ABI3BP: variants seen among roughly 807,000 people sequenced by gnomAD.
ABI3BP encodes the protein target of Nesh-SH3.
ABI3BP carries 216 observed loss-of-function variants against 268.6 expected under a neutral mutation model. That is an observed-to-expected ratio of 0.80 (90% CI 0.72 to 0.90). The LOEUF is 0.90. Ranked by LOEUF, ABI3BP falls within the 40% of genes least tolerant of loss-of-function variation. ABI3BP has a pLI of 0.00. For missense variants in ABI3BP, 2,090 were observed against 2,182.4 expected, an observed-to-expected ratio of 0.96 and a Z score of 0.84; for synonymous variants, 730 against 730.0, an observed-to-expected ratio of 1.00 and a Z score of 0.00.
In ABI3BP at chr3:100,811,751, C is replaced by T. The variant is rs1215291882; in HGVS notation, c.3470G>A (p.Trp1157Ter). 1 of 1,535,352 alleles carries T rather than the reference C, an allele frequency of 6.5e-7. No individual in the cohort carries two copies. The highest frequency in any genetic ancestry group is 8.7e-7 in the Non-Finnish European group (1 of 1,146,480). ...ACCTTCAGTCTTTGGCTCCTCTGGC[C>T]AGAGTGGTGCTTTGGCAGTGGGATA... Reference protein sequence around the residue: ...YVYPTAKAPLWPEEPKTEVVE... With the variant: ...YVYPTAKAPL Residue 1157 changes from tryptophan to a stop codon, truncating the protein, a stop_gained, in exon 47 of 68, where the codon TGG (tryptophan) becomes TAG (stop). Transcript: ENST00000471714. LOFTEE classifies it high-confidence loss of function.
intron 51 of ABI3BP, among the ~76,000 whole-genome samples, chr3:100,801,425 CAAA>C (rs68171311): frequency 1.1e-5 from 1 of 87,528 alleles, no homozygotes; most frequent in Non-Finnish European, 2.5e-5. Context: ...GATATCCTGT[CAAA>C]AAAAAAAAAA....
rs1234705838 is a variant in ABI3BP, at chr3:100,936,584, C to T, written c.80-10103G>A. 2.6e-5 allele frequency among the ~76,000 whole-genome samples: 4 copies of T among 151,848 alleles called. 1 individual carries two copies. Among genetic ancestry groups the T allele is most frequent in the Admixed American group, 1.3e-4 (2 of 15,224 alleles). On this transcript the variant is annotated intron_variant, in intron 1 of 67. Coordinates refer to ENST00000471714, the MANE Select transcript of ABI3BP (RefSeq NM_001375547.2). ...TCCTCTTTGTACCTCTGGTAGAATT[C>T]GGCTGTGAATCTGTCTGGTCCTGGA... is the stretch of plus-strand genomic sequence containing the variant.
At chr3:100,803,838 C>T (rs192059575) in intron 51 of ABI3BP, among the ~76,000 whole-genome samples, 105 of 152,262 alleles carry the variant, frequency 6.9e-4, no homozygotes, top group African/African-American at 2.5e-3. Flanking sequence ...TCTCTCTAGC[C>T]TGCTACCACC....
chr3:100,941,140 T>C (rs181554765), intron 1 of ABI3BP, among the ~76,000 whole-genome samples: 7 of 151,822 alleles, frequency 4.6e-5, no homozygotes, highest in African/African-American at 1.7e-4. Context: ...ATCAAAACTT[T>C]ACTTATACAT....
intron 22 of ABI3BP, 139 bp downstream of exon 22, chr3:100,840,678 CTTT>C (rs1187108506): frequency 1.5e-6 from 1 of 670,788 alleles, no homozygotes; most frequent in Admixed American, 3.5e-5. Context: ...TAGGAATTAA[CTTT>C]TTTTTCTGAA....
At chr3:100,984,947 T>C (rs1449310) in intron 1 of ABI3BP, among the ~76,000 whole-genome samples, 25,223 of 151,992 alleles carry the variant, frequency 0.17, 2,222 homozygotes, top group Middle Eastern at 0.23. Flanking sequence ...TAAATTTTCT[T>C]TCCTGAGAGC....
At chr3:100,774,738 A>T in intron 60 of ABI3BP, 65 bp from the exon 61 acceptor site, 3 of 1,217,436 alleles carry the variant, frequency 2.5e-6, no homozygotes, top group Non-Finnish European at 3.4e-6. Context: ...ACAATGAAAA[A>T]GTTGTAGACT....
intron 63 of ABI3BP, among the ~76,000 whole-genome samples, chr3:100,758,719 G>GT (rs1180522928): frequency 6.6e-6 from 1 of 152,186 alleles, no homozygotes; most frequent in Non-Finnish European, 1.5e-5. Flanking sequence ...AGAGGGTATT[G>GT]TTTGACACCA....
At chr3:100,823,660 G>A (rs1461445170) in intron 36 of ABI3BP, 146 bp from the exon 37 acceptor site, 2 of 645,136 alleles carry the variant, frequency 3.1e-6, no homozygotes, top group East Asian at 2.9e-5. Context: ...AAGAATGTGT[G>A]TTTGTTCATT....
chr3:100,821,597 C>CTTTTT (rs369631203), intron 38 of ABI3BP, among the ~76,000 whole-genome samples: 8 of 119,148 alleles, frequency 6.7e-5, no homozygotes, highest in Admixed American at 8.9e-5. Context: ...TGAAGTAAGA[C>CTTTTT]TTTTTTTTTT....
chr3:100,820,142 C>A, intron 40 of ABI3BP, 78 bp downstream of exon 40: 1 of 1,244,150 alleles, frequency 8.0e-7, no homozygotes, highest in South Asian at 1.3e-5. Context: ...CACAGGCCAT[C>A]ACTCCCATCA....
chr3:100,950,937 C>T (rs2074698613), intron 1 of ABI3BP, among the ~76,000 whole-genome samples: 3 of 151,830 alleles, frequency 2.0e-5, no homozygotes, highest in Admixed American at 1.3e-4. Flanking sequence ...TCCCAGCACA[C>T]TAAAGTCAAC....
At chr3:100,830,153 A>T (rs1412231983) in intron 32 of ABI3BP, among the ~76,000 whole-genome samples, 2 of 82,550 alleles carry the variant, frequency 2.4e-5, no homozygotes, top group African/African-American at 7.5e-5. Context: ...ATATATATAT[A>T]TATATATATA....
chr3:100,964,357 G>A (rs1224009602), intron 1 of ABI3BP, among the ~76,000 whole-genome samples: 1 of 152,184 alleles, frequency 6.6e-6, no homozygotes, highest in Non-Finnish European at 1.5e-5. Flanking sequence ...TAATATGTGA[G>A]CCCTCCATAA....
chr3:100,872,734 T>A, intron 9 of ABI3BP, among the ~76,000 whole-genome samples: 1 of 152,300 alleles, frequency 6.6e-6, no homozygotes, highest in African/African-American at 2.4e-5. Context: ...TTTGGGAGCA[T>A]CCTGGCAGCA....
chr3:100,873,254 C>G (rs570686855), intron 9 of ABI3BP, among the ~76,000 whole-genome samples: 3 of 152,134 alleles, frequency 2.0e-5, no homozygotes, highest in African/African-American at 7.2e-5. Context: ...ATAGCAATTT[C>G]TTTTCAGGTT....
Position 100,772,368 on chromosome 3 carries a change from TA to T in ABI3BP, c.4532-1417del, listed in dbSNP as rs1422029649. Among the ~76,000 whole-genome samples the T allele has an allele frequency of 3.9e-5, 6 of 152,274 alleles. No individual in the cohort carries two copies. In the East Asian group the frequency reaches 9.7e-4, roughly 25 times the overall value. ...CAATGTTTTTCTTATTATTTATCTC[TA>T]AAAAATAGTTTACTGTTTAAACATA... On this transcript the variant is annotated intron_variant, in intron 61 of 67. Transcript: ENST00000471714.
At chr3:100,813,281 G>A (rs2097910630) in intron 45 of ABI3BP, among the ~76,000 whole-genome samples, 1 of 152,004 alleles carries the variant, frequency 6.6e-6, no homozygotes, top group Non-Finnish European at 1.5e-5. Flanking sequence ...CTTCCTTGAT[G>A]GTCACAATTG....
chr3:100,773,619 A>C (rs1044000919), intron 61 of ABI3BP, among the ~76,000 whole-genome samples: 1 of 152,360 alleles, frequency 6.6e-6, no homozygotes, highest in South Asian at 2.1e-4. Flanking sequence ...GAATGAAAGC[A>C]TATGGCTATA....
Sources: allele counts gnomAD v4.1 joint callset (sites outside exome capture counted in the v4.1 genomes callset), GRCh38; gene constraint gnomAD v4.1.1; transcripts MANE v1.5; gene names NCBI Gene and HGNC (gene_info 2026-07-23, HGNC 2026-07-21).